FAT1: variants seen among roughly 807,000 people sequenced by gnomAD.
FAT1 encodes protocadherin Fat 1.
FAT1 carries 171 observed loss-of-function variants against 329.8 expected under a neutral mutation model. The ratio of observed to expected loss-of-function variants is 0.52; its 90% CI spans 0.46 to 0.59. FAT1 has a LOEUF of 0.59. Ranked by LOEUF, FAT1 falls within the 20% of genes least tolerant of loss-of-function variation. FAT1 has a pLI of 0.00. For missense variants in FAT1, 5,672 were observed against 5,774.4 expected (o/e 0.98, Z 0.57); for synonymous variants, 2,233 against 2,228.6 (o/e 1.00, Z -0.06).
At chr4:186,682,020 C>A (rs1743232326) in intron 2 of FAT1, among the ~76,000 whole-genome samples, 1 of 152,022 alleles carries the variant, frequency 6.6e-6, no homozygotes, top group African/African-American at 2.4e-5. Context: ...ATCATGATTA[C>A]CAAAATAAAA....
At position 186,588,945 on chromosome 4, in the gene FAT1, C is replaced by A. The variant is rs2126352976; in HGVS notation, c.13414G>T (p.Gly4472Cys). The A allele has an allele frequency of 6.2e-7, 1 of 1,613,974 alleles. No individual in the cohort carries two copies. The highest frequency in any genetic ancestry group is 8.5e-7 in the Non-Finnish European group (1 of 1,179,886). Residue 4472 changes from glycine (G) to cysteine (C), a missense_variant, in exon 27 of 27, where the codon GGT (glycine) becomes TGT (cysteine). Physicochemically the swap from Gly to Cys is radical, Grantham distance 159. Transcript: ENST00000441802. ...TTTCTTGATGAAGAACCCAAGCTAC[C>A]CGCGGCAGGCATGTCTCTAGGAGGG... ...IHPPRDMPAA[G>C]SLGSSSRNRQ...
At chr4:186,685,261 C>G (rs968359917) in intron 2 of FAT1, among the ~76,000 whole-genome samples, 1 of 152,156 alleles carries the variant, frequency 6.6e-6, no homozygotes, top group Non-Finnish European at 1.5e-5. Context: ...TAAGCTGTAA[C>G]GAAACATTTC....
chr4:186,695,687 C>T (rs1011677753), intron 2 of FAT1, among the ~76,000 whole-genome samples: 1 of 151,704 alleles, frequency 6.6e-6, no homozygotes, highest in African/African-American at 2.4e-5. Context: ...GCCTTATATT[C>T]TGGTGGAAGT....
intron 22 of FAT1, chr4:186,598,890 T>C (rs1422941497): frequency 6.6e-6 from 1 of 152,384 alleles, no homozygotes; most frequent in Non-Finnish European, 1.5e-5. Context: ...ATCTTCTAAC[T>C]GCCTGCCTTG....
intron 1 of FAT1, among the ~76,000 whole-genome samples, chr4:186,722,384 T>C (rs1745505488): frequency 1.3e-5 from 2 of 152,218 alleles, no homozygotes; most frequent in South Asian, 4.1e-4. Context: ...AAATCAAACC[T>C]TACCTTGAGC....
At chr4:186,663,677 G>C (rs2126619359) in intron 2 of FAT1, 64 bp from the exon 3 acceptor site, 1 of 1,335,790 alleles carries the variant, frequency 7.5e-7, no homozygotes, top group Non-Finnish European at 1.0e-6. Context: ...GCTTCAGAAA[G>C]TGTCAACAAC....
intron 4 of FAT1, among the ~76,000 whole-genome samples, chr4:186,638,924 G>A (rs960779943): frequency 6.6e-6 from 1 of 151,414 alleles, no homozygotes; most frequent in Non-Finnish European, 1.5e-5. Flanking sequence ...CCCTCTCTGC[G>A]GTCTGCCTGT....
chr4:186,617,271 A>T, intron 10 of FAT1, 70 bp from the exon 11 acceptor site: 1 of 1,073,476 alleles, frequency 9.3e-7, no homozygotes, highest in South Asian at 1.7e-5. Flanking sequence ...CAGAAAAAAT[A>T]AACTGTACAA....
intron 2 of FAT1, among the ~76,000 whole-genome samples, chr4:186,672,692 A>C (rs1340214296): frequency 6.6e-6 from 1 of 152,238 alleles, no homozygotes; most frequent in African/African-American, 2.4e-5. Flanking sequence ...GAAAGGAAAC[A>C]GACAGTACAA....
intron 2 of FAT1, among the ~76,000 whole-genome samples, chr4:186,671,499 A>T (rs1742725329): frequency 6.6e-6 from 1 of 152,058 alleles, no homozygotes; most frequent in Admixed American, 6.5e-5. Flanking sequence ...GGAGTTAAAG[A>T]CCAGCCTGCC....
At position 186,706,663 on chromosome 4, in the gene FAT1, C is replaced by T. The variant is rs376378494; in HGVS notation, c.3165G>A (p.Thr1055=). 29 of 1,613,870 alleles carry T rather than the reference C, an allele frequency of 1.8e-5. 1 individual carries two copies. The highest frequency in any genetic ancestry group is 1.3e-4 in the African/African-American group (10 of 74,916). The change falls in exon 2 of 27, where the codon ACG becomes ACA. Residue 1055 remains threonine, a synonymous_variant. Transcript: ENST00000441802. The stretch of plus-strand genomic sequence containing the variant: ...TGGCGTCCTCATCATGAGCCGACAC[C>T]GTCATTACCAATGAACCAACAGGTG... ...EDAPVGSLVM[T]VSAHDEDARR...
At chr4:186,597,268 T>G (rs1464416872) in intron 24 of FAT1, 97 bp from the exon 25 acceptor site, 1 of 1,293,836 alleles carries the variant, frequency 7.7e-7, no homozygotes, top group Admixed American at 3.0e-5. Flanking sequence ...CCCTCCTTGA[T>G]GAGCTATGTG....
intron 2 of FAT1, among the ~76,000 whole-genome samples, chr4:186,679,663 T>C (rs1004434104): frequency 6.6e-5 from 10 of 151,836 alleles, no homozygotes; most frequent in Admixed American, 6.6e-4. Flanking sequence ...AGCTCAAATA[T>C]TTCCAGCTCA....
At position 186,628,736 on chromosome 4, in the gene FAT1, C is replaced by A; in HGVS notation, c.4351G>T (p.Asp1451Tyr). The change falls in exon 8 of 27, where the codon GAC becomes TAC. Residue 1451 changes from aspartate to tyrosine, a missense_variant. Physicochemically the swap from Asp to Tyr is radical, Grantham distance 160 (BLOSUM62 -3). Transcript: ENST00000441802. Reference protein sequence around the residue: ...QVFIKVIDTNDHRPQFSTSKY... With the variant: ...QVFIKVIDTNYHRPQFSTSKY... Reference sequence around the variant, plus strand: ...GATGTAGAAAACTGAGGACGATGGTCATTTGTGTCTATTACTTTGATGAAT... The same window carrying A: ...GATGTAGAAAACTGAGGACGATGGTAATTTGTGTCTATTACTTTGATGAAT... 2 of 1,613,408 alleles carry A rather than the reference C, an allele frequency of 1.2e-6. No homozygotes were observed. The highest frequency in any genetic ancestry group is 2.2e-5 in the South Asian group (2 of 90,988).
chr4:186,643,576 A>G (rs1466179279), intron 3 of FAT1, among the ~76,000 whole-genome samples: 1 of 152,034 alleles, frequency 6.6e-6, no homozygotes, highest in Non-Finnish European at 1.5e-5. Flanking sequence ...CAAAATGAAA[A>G]CAGAATTTCC....
Position 186,600,043 on chromosome 4 carries a change from C to G in FAT1, c.11958G>C (p.Glu3986Asp), listed in dbSNP as rs757913994. 6.2e-7 allele frequency: 1 copy of G among 1,614,006 alleles called. No homozygotes were observed. The highest frequency in any genetic ancestry group is 8.5e-7 in the Non-Finnish European group (1 of 1,179,896). The change falls in exon 22 of 27, where the codon GAG becomes GAC. Residue 3986 changes from glutamate (E) to aspartate (D), a missense_variant. Physicochemically the swap from Glu to Asp is conservative, Grantham distance 45. This residue lies in a region of FAT1 where 1,706 missense variants were observed against 1,859.1 expected (regional missense o/e 0.92). Coordinates refer to ENST00000441802, the MANE Select transcript of FAT1 (RefSeq NM_005245.4). ...TTCTGGGTTTGCTGTTTAAAGGGAG[C>G]TCCTGCCCATTCAAATAAATGGAGT... ...CMDSIYLNGQELPLNSKPRSY... is the reference protein window; with the variant it reads ...CMDSIYLNGQDLPLNSKPRSY...
intron 2 of FAT1, among the ~76,000 whole-genome samples, chr4:186,690,689 C>CAA (rs769826893): frequency 7.1e-6 from 1 of 141,102 alleles, no homozygotes; most frequent in African/African-American, 2.6e-5. Context: ...GACTCTGCCT[C>CAA]AAAAAAAAAA....
intron 22 of FAT1, 105 bp from the exon 23 acceptor site, chr4:186,598,230 T>G (rs1358935129): frequency 8.9e-7 from 1 of 1,128,952 alleles, no homozygotes; most frequent in African/African-American, 1.6e-5. Context: ...CTGTAAAAGC[T>G]CGTAAAATTC....
intron 6 of FAT1, among the ~76,000 whole-genome samples, chr4:186,634,972 G>A (rs1328385983): frequency 6.6e-6 from 1 of 152,214 alleles, no homozygotes; most frequent in Admixed American, 6.5e-5. Flanking sequence ...GCAAACAAAC[G>A]GTTTTGAGCA....
Sources: allele counts gnomAD v4.1 joint callset (sites outside exome capture counted in the v4.1 genomes callset), GRCh38; gene constraint gnomAD v4.1.1; regional missense constraint gnomAD v4.1.1; transcripts MANE v1.5; gene names NCBI Gene and HGNC (gene_info 2026-07-23, HGNC 2026-07-21).